Variants in HRH4 observed in about 807,000 individuals in gnomAD.
HRH4 encodes histamine receptor H4, also known as histamine H4 receptor.
In HRH4, 12 loss-of-function variants were observed where a neutral mutation model predicts 10.4. That is an observed-to-expected ratio of 1.15 (90% CI 0.74 to 1.87). The LOEUF is 1.87. Among genes scored for constraint, HRH4 ranks in the 40% most tolerant of loss-of-function variants. HRH4 has a pLI of 0.00. For synonymous variants in HRH4, 154 were observed against 166.6 expected (o/e 0.92, Z 0.58); for missense variants, 415 against 453.3 (o/e 0.92, Z 0.77).
intron 2 of HRH4, 29 bp downstream of exon 2, chr18:24,468,980 T>G (rs1189776323): frequency 6.5e-7 from 1 of 1,541,384 alleles, no homozygotes; most frequent in East Asian, 2.4e-5. Flanking sequence ...TTATCCCCCT[T>G]AGAAGATTAT....
chr18:24,476,161 G>A (rs974469385), intron 2 of HRH4, among the ~76,000 whole-genome samples: 5 of 152,144 alleles, frequency 3.3e-5, no homozygotes, highest in African/African-American at 9.7e-5. Flanking sequence ...AATCAGATAA[G>A]GCAATGGCTT....
intron 2 of HRH4, among the ~76,000 whole-genome samples, chr18:24,470,507 T>G (rs1262687223): frequency 4.4e-5 from 1 of 22,756 alleles, no homozygotes; most frequent in African/African-American, 1.6e-4. Flanking sequence ...CTCTATTTTT[T>G]TTTTTTTTTT....
rs1250003833 is a variant in HRH4 at position 24,479,743 on chromosome 18, G to C, written c.*2181G>C. The C allele has an allele frequency of 6.6e-6, 1 of 152,022 alleles. No homozygotes were observed. The highest frequency in any genetic ancestry group is 1.5e-5 in the Non-Finnish European group (1 of 68,006). 9.4% of individuals were successfully genotyped at this position (152,022 alleles called of 1,614,324 possible). A position where few individuals can be genotyped will look rare whatever the true frequency, so the allele number is the denominator to read the frequency against. On this transcript the variant is annotated 3_prime_UTR_variant, in exon 3 of 3. Transcript: ENST00000256906. ...TTGGTGTTTCTTTTATAACTTTGCAGTTCTTACACCGTTTGGTGATTTTCA... is the reference window on the plus strand; with the variant it reads ...TTGGTGTTTCTTTTATAACTTTGCACTTCTTACACCGTTTGGTGATTTTCA...
At chr18:24,467,738 T>C (rs1909815446) in intron 1 of HRH4, among the ~76,000 whole-genome samples, 1 of 152,238 alleles carries the variant, frequency 6.6e-6, no homozygotes, top group African/African-American at 2.4e-5. Flanking sequence ...GAGATGAGGT[T>C]TCACCATGTT....
intron 2 of HRH4, among the ~76,000 whole-genome samples, chr18:24,473,964 C>T (rs1209833235): frequency 4.5e-5 from 2 of 43,986 alleles, no homozygotes; most frequent in Admixed American, 1.9e-4. Flanking sequence ...CACCACTCCA[C>T]GCAGCCTGGT....
intron 1 of HRH4, among the ~76,000 whole-genome samples, chr18:24,464,995 C>T (rs1434550838): frequency 6.6e-6 from 1 of 151,956 alleles, no homozygotes; most frequent in Non-Finnish European, 1.5e-5. Flanking sequence ...CTGAGAAAGA[C>T]ACATTTGAAG....
At chr18:24,473,417 C>T (rs1030707900) in intron 2 of HRH4, among the ~76,000 whole-genome samples, 1 of 152,152 alleles carries the variant, frequency 6.6e-6, no homozygotes, top group Non-Finnish European at 1.5e-5. Context: ...CAGGGCCATC[C>T]TTTCTCAGAA....
In HRH4 at chr18:24,477,085, A is replaced by G. The variant is rs138191025; in HGVS notation, c.696A>G (p.Leu232=). 9.3e-6 allele frequency: 15 copies of G among 1,614,128 alleles called. No homozygotes were observed. Among genetic ancestry groups the G allele is most frequent in the African/African-American group, 4.0e-5 (3 of 74,938 alleles). ...NICGHSFRGR[L]SSRRSLSAST... Reference sequence around the variant, plus strand: ...GTGGACACTCATTCAGAGGTAGACTATCTTCAAGGAGATCTCTTTCTGCAT... The same window carrying G: ...GTGGACACTCATTCAGAGGTAGACTGTCTTCAAGGAGATCTCTTTCTGCAT... Residue 232 remains leucine, a synonymous_variant, in exon 3 of 3, where the codon CTA becomes CTG. Coordinates refer to ENST00000256906, the MANE Select transcript of HRH4 (RefSeq NM_021624.4).
chr18:24,477,176 TC>T lies in HRH4; in HGVS notation c.788del (p.Ser263Ter), dbSNP rs746905385. On this transcript the variant is annotated frameshift_variant, in exon 3 of 3. Coordinates refer to ENST00000256906, the MANE Select transcript of HRH4 (RefSeq NM_021624.4). LOFTEE classifies it low-confidence loss of function (END_TRUNC). ...QRRKSSLMFS[S>X]RTKMNSNTIA... ...GAGAAAGAGTAGTCTCATGTTTTCC[TC>T]AAGAACCAAGATGAATAGCAATACA... is the stretch of plus-strand genomic sequence containing the variant. The T allele has an allele frequency of 1.2e-6, 2 of 1,614,206 alleles. No individual in the cohort carries two copies. Among genetic ancestry groups the T allele is most frequent in the South Asian group, 2.2e-5 (2 of 91,088 alleles).
chr18:24,468,909 T>G lies in HRH4; in HGVS notation c.315T>G (p.Ile105Met). 2 of 1,611,760 alleles carry G rather than the reference T, an allele frequency of 1.2e-6. No individual in the cohort carries two copies. The highest frequency in any genetic ancestry group is 1.3e-5 in the African/African-American group (1 of 74,952). ...YLLCTASVYN[I>M]VLISYDRYLS... is the part of the protein sequence containing the mutation. Reference sequence around the variant, plus strand: ...TATGTACAGCATCTGTATATAACATTGTCCTCATCAGCTATGATCGATACC... The same window carrying G: ...TATGTACAGCATCTGTATATAACATGGTCCTCATCAGCTATGATCGATACC... The change falls in exon 2 of 3, where the codon ATT (isoleucine) becomes ATG (methionine). Residue 105 changes from isoleucine to methionine, a missense_variant. Coordinates refer to ENST00000256906, the MANE Select transcript of HRH4 (RefSeq NM_021624.4).
At chr18:24,461,277 T>C (rs530243354) in intron 1 of HRH4, among the ~76,000 whole-genome samples, 1 of 152,302 alleles carries the variant, frequency 6.6e-6, no homozygotes, top group South Asian at 2.1e-4. Context: ...TATGGTTTTG[T>C]TGGTATCACA....
chr18:24,472,066 GAC>G (rs1360985327), intron 2 of HRH4, among the ~76,000 whole-genome samples: 2 of 152,002 alleles, frequency 1.3e-5, no homozygotes, highest in African/African-American at 4.8e-5. Flanking sequence ...ATTTCTTTGA[GAC>G]AGAGTCTGGC....
rs557734223 is a variant in HRH4, at chr18:24,477,854, T to A, written c.*292T>A. ...TTTTCTTTCTATGTTCCATGCATAA[T>A]ACAGTCTTAAGTGAATTTCTCTTTT... On this transcript the variant is annotated 3_prime_UTR_variant, in exon 3 of 3. Coordinates refer to ENST00000256906, the MANE Select transcript of HRH4 (RefSeq NM_021624.4). The A allele has an allele frequency of 1.8e-4, 48 of 267,146 alleles. No homozygotes were observed. Among genetic ancestry groups the A allele is most frequent in the African/African-American group, 1.0e-3 (46 of 45,440 alleles). 16.5% of individuals were successfully genotyped at this position (267,146 alleles called of 1,614,324 possible).
chr18:24,460,863 C>A lies in HRH4; in HGVS notation c.135C>A (p.Asn45Lys), dbSNP rs773411086. The A allele has an allele frequency of 1.3e-6, 2 of 1,585,226 alleles. No individual in the cohort carries two copies. Among genetic ancestry groups the A allele is most frequent in the African/African-American group, 1.3e-5 (1 of 74,642 alleles). ...TTTTAGCTTTTGTGGTGGACAAAAA[C>A]CTTAGACATCGAAGTAGTTATTTTT... is the stretch of plus-strand genomic sequence containing the variant. ...LVILAFVVDK[N>K]LRHRSSYFFL... The change falls in exon 1 of 3, where the codon AAC (asparagine) becomes AAA (lysine). Residue 45 changes from asparagine (N) to lysine (K), a missense_variant. By Grantham distance (94) the Asn-to-Lys change is moderately conservative (BLOSUM62 0). Coordinates refer to ENST00000256906, the MANE Select transcript of HRH4 (RefSeq NM_021624.4).
rs537778187 is a variant in HRH4, at chr18:24,464,716, A to G, written c.193+3795A>G. On this transcript the variant is annotated intron_variant, in intron 1 of 2. Coordinates refer to ENST00000256906, the MANE Select transcript of HRH4 (RefSeq NM_021624.4). ...CTTCTCCATCCTCATCTATTTGTTC[A>G]TCCAACAATTATTTCTTTTGAAGGA... Among the ~76,000 whole-genome samples, 97 of 152,244 alleles carry G rather than the reference A, an allele frequency of 6.4e-4. 1 individual carries two copies. The highest frequency in any genetic ancestry group is 3.4e-3 in the Middle Eastern group (1 of 294).
At chr18:24,470,304 G>A (rs956629318) in intron 2 of HRH4, among the ~76,000 whole-genome samples, 13 of 152,140 alleles carry the variant, frequency 8.5e-5, no homozygotes, top group Admixed American at 2.6e-4. Context: ...TTGGGGCAGG[G>A]ACTGGCAAAC....
At position 24,468,937 on chromosome 18, in the gene HRH4, T is replaced by C; in HGVS notation, c.343T>C (p.Ser115Pro). Reference sequence around the variant, plus strand: ...CCTCATCAGCTATGATCGATACCTGTCAGTCTCAAATGCTGTAAGTCGAAA... The same window carrying C: ...CCTCATCAGCTATGATCGATACCTGCCAGTCTCAAATGCTGTAAGTCGAAA... ...IVLISYDRYL[S>P]VSNAVSYRTQ... The change falls in exon 2 of 3, where the codon TCA becomes CCA. Residue 115 changes from serine (S) to proline (P), a missense_variant. Transcript: ENST00000256906. 6.2e-7 allele frequency: 1 copy of C among 1,605,864 alleles called. No individual in the cohort carries two copies. Among genetic ancestry groups the C allele is most frequent in the Non-Finnish European group, 8.5e-7 (1 of 1,176,292 alleles).
At chr18:24,468,405 G>A (rs970696513) in intron 1 of HRH4, among the ~76,000 whole-genome samples, 2 of 152,176 alleles carry the variant, frequency 1.3e-5, no homozygotes, top group Admixed American at 6.5e-5. Flanking sequence ...TGAGTGCTAT[G>A]TAAATAGTTG....
At chr18:24,471,732 T>C (rs187439754) in intron 2 of HRH4, among the ~76,000 whole-genome samples, 1 of 152,186 alleles carries the variant, frequency 6.6e-6, no homozygotes, top group Admixed American at 6.5e-5. Context: ...TCTGTGTGCT[T>C]GGTTGTGATA....
Sources: allele counts gnomAD v4.1 joint callset (sites outside exome capture counted in the v4.1 genomes callset), GRCh38; gene constraint gnomAD v4.1.1; transcripts MANE v1.5; gene names NCBI Gene and HGNC (gene_info 2026-07-23, HGNC 2026-07-21).